The following FRMD4A variants were observed in gnomAD, a reference collection of about 807,000 sequenced individuals.
The protein encoded by FRMD4A is FERM domain containing 4A.
Under a neutral mutation model 129.1 loss-of-function variants are expected in FRMD4A, and 29 were observed. That is an observed-to-expected ratio of 0.22 (90% CI 0.17 to 0.31). The LOEUF (loss-of-function observed/expected upper bound fraction) is 0.31, where lower values mean the gene tolerates loss of function less well. Ranked by LOEUF, FRMD4A falls within the 10% of genes least tolerant of loss-of-function variation. The pLI, the probability that FRMD4A is intolerant of heterozygous loss-of-function variation, is 1.00. For synonymous variants in FRMD4A, 634 were observed against 571.6 expected (o/e 1.11, Z -1.56); for missense variants, 1,272 against 1,375.8 (o/e 0.92, Z 1.19).
At chr10:14,224,460 C>T (rs1259402778) in intron 2 of FRMD4A, among the ~76,000 whole-genome samples, 1 of 150,854 alleles carries the variant, frequency 6.6e-6, no homozygotes, top group Non-Finnish European at 1.5e-5. Context: ...ATTTCCACTC[C>T]TACTCATACT....
intron 2 of FRMD4A, among the ~76,000 whole-genome samples, chr10:13,914,467 C>T (rs529260897): frequency 2.6e-5 from 4 of 152,168 alleles, no homozygotes; most frequent in South Asian, 2.1e-4. Flanking sequence ...TAATAACAGC[C>T]GAATTCTAAT....
intron 2 of FRMD4A, among the ~76,000 whole-genome samples, chr10:14,132,760 A>G (rs1310258057): frequency 6.6e-6 from 1 of 152,224 alleles, no homozygotes; most frequent in African/African-American, 2.4e-5. Flanking sequence ...GCTCCCACGC[A>G]GGCCCAGCTG....
At chr10:13,844,426 G>A (rs1409589642) in intron 3 of FRMD4A, among the ~76,000 whole-genome samples, 1 of 151,930 alleles carries the variant, frequency 6.6e-6, no homozygotes, top group Non-Finnish European at 1.5e-5. Flanking sequence ...GTATCAATAT[G>A]GTCTACTGAT....
intron 2 of FRMD4A, among the ~76,000 whole-genome samples, chr10:13,953,687 C>T (rs565706123): frequency 1.2e-4 from 19 of 152,160 alleles, no homozygotes; most frequent in African/African-American, 1.7e-4. Flanking sequence ...ACAAGAGCAA[C>T]GAATCTGGCA....
At chr10:13,813,731 T>C (rs921168138) in intron 3 of FRMD4A, among the ~76,000 whole-genome samples, 2 of 152,240 alleles carry the variant, frequency 1.3e-5, no homozygotes, top group Non-Finnish European at 2.9e-5. Context: ...TTGTTTACTC[T>C]TGTGACTGTA....
chr10:13,734,510 T>A (rs1329792403), intron 12 of FRMD4A, among the ~76,000 whole-genome samples: 1 of 152,104 alleles, frequency 6.6e-6, no homozygotes, highest in Non-Finnish European at 1.5e-5. Context: ...GGGCACTGTG[T>A]CCCCTACCCC....
intron 2 of FRMD4A, among the ~76,000 whole-genome samples, chr10:13,871,568 C>T (rs2094439273): frequency 6.6e-6 from 1 of 152,214 alleles, no homozygotes; most frequent in Non-Finnish European, 1.5e-5. Flanking sequence ...ATAAAGACCA[C>T]CTCACCTTCC....
chr10:14,136,864 A>G (rs747823254), intron 2 of FRMD4A, among the ~76,000 whole-genome samples: 7 of 152,218 alleles, frequency 4.6e-5, no homozygotes, highest in Non-Finnish European at 7.3e-5. Context: ...CCTTGACAAA[A>G]TAAACCTAAA....
intron 2 of FRMD4A, among the ~76,000 whole-genome samples, chr10:14,288,050 G>T (rs1371770151): frequency 6.6e-6 from 1 of 151,900 alleles, no homozygotes; most frequent in Non-Finnish European, 1.5e-5. Flanking sequence ...CTACGGTGAA[G>T]AGATGGTGAT....
intron 2 of FRMD4A, among the ~76,000 whole-genome samples, chr10:14,263,156 C>T (rs1268991592): frequency 3.3e-5 from 5 of 152,304 alleles, no homozygotes; most frequent in African/African-American, 1.2e-4. Flanking sequence ...TTTGGACTGA[C>T]TTGATTCTAG....
At chr10:13,798,338 G>C (rs1039990222) in intron 4 of FRMD4A, among the ~76,000 whole-genome samples, 1 of 152,244 alleles carries the variant, frequency 6.6e-6, no homozygotes, top group African/African-American at 2.4e-5. Flanking sequence ...CTTGAACCCG[G>C]GAGATGGAGG....
intron 16 of FRMD4A, 117 bp downstream of exon 16, chr10:13,674,794 G>C (rs919537815): frequency 7.5e-6 from 9 of 1,193,430 alleles, no homozygotes; most frequent in Non-Finnish European, 1.1e-5. Flanking sequence ...CTTGCCTTCT[G>C]TCAAAACGAT....
At chr10:13,776,956 T>C (rs35976662) in intron 6 of FRMD4A, among the ~76,000 whole-genome samples, 30,597 of 152,286 alleles carry the variant, frequency 0.2, 3,959 homozygotes, top group Non-Finnish European at 0.29. Context: ...ATGCCTGGCA[T>C]GGGACTAAGA....
chr10:13,992,056 T>TA (rs1165509436), intron 2 of FRMD4A: 1 of 152,170 alleles, frequency 6.6e-6, no homozygotes, highest in African/African-American at 2.4e-5. Flanking sequence ...GTGGAATATA[T>TA]AAAAAGCACT....
intron 2 of FRMD4A, among the ~76,000 whole-genome samples, chr10:14,194,208 A>G (rs1351676187): frequency 1.3e-5 from 2 of 152,220 alleles, no homozygotes; most frequent in Non-Finnish European, 2.9e-5. Flanking sequence ...ATGTGAGAAC[A>G]TTCACTTATT....
intron 2 of FRMD4A, among the ~76,000 whole-genome samples, chr10:14,323,293 T>G (rs1843137817): frequency 6.6e-6 from 1 of 152,254 alleles, no homozygotes; most frequent in Non-Finnish European, 1.5e-5. Context: ...TAGTATATAC[T>G]GTGCTATTTG....
intron 2 of FRMD4A, among the ~76,000 whole-genome samples, chr10:14,163,588 C>T (rs1841016696): frequency 6.6e-6 from 1 of 152,166 alleles, no homozygotes; most frequent in African/African-American, 2.4e-5. Context: ...CAGAAGGAAA[C>T]GTGTTTATTG....
chr10:14,008,163 T>TGTGTGTGTGA lies in FRMD4A; in HGVS notation c.46-149252_46-149251insTCACACACAC, dbSNP rs1555012519. On this transcript the variant is annotated intron_variant, in intron 2 of 24. Transcript: ENST00000357447. ...AGCCTGAACCACCATGGTGTACAGC[T>TGTGTGTGTGA]GTGTGTGTGTGTGTGTGTGTGTGTG... 10 of 550,142 alleles carry TGTGTGTGTGA rather than the reference T, an allele frequency of 1.8e-5. No individual in the cohort carries two copies. In the Admixed American group the frequency reaches 1.9e-4, roughly 10 times the overall value. 34.1% of individuals were successfully genotyped at this position (550,142 alleles called of 1,614,324 possible).
At chr10:13,959,509 G>T (rs1348388681) in intron 2 of FRMD4A, among the ~76,000 whole-genome samples, 330 of 2,012 alleles carry the variant, frequency 0.16, 2 homozygotes, top group South Asian at 0.38. Flanking sequence ...AGCTGTGAGT[G>T]ATTTTTTTTT....
Sources: allele counts gnomAD v4.1 joint callset (sites outside exome capture counted in the v4.1 genomes callset), GRCh38; gene constraint gnomAD v4.1.1; transcripts MANE v1.5; gene names NCBI Gene and HGNC (gene_info 2026-07-23, HGNC 2026-07-21).